Variants in MAP3K4 observed in about 807,000 individuals in gnomAD.
MAP3K4 encodes MAP three kinase 1.
A neutral mutation model predicts 185.6 loss-of-function variants in MAP3K4; 67 were observed. The ratio of observed to expected loss-of-function variants is 0.36; its 90% CI spans 0.30 to 0.44. The LOEUF is 0.44. MAP3K4 is among the 20% of genes least tolerant of loss of function. The probability of loss-of-function intolerance (pLI) is 1.00; values close to 1 mark genes in which losing one functional copy is unlikely to be tolerated. For synonymous variants in MAP3K4, 702 were observed against 710.4 expected (o/e 0.99, Z 0.19); for missense variants, 1,551 against 1,995.1 (o/e 0.78, Z 4.24).
In MAP3K4 at chr6:161,104,595, C is replaced by T. The variant is rs867952363; in HGVS notation, c.3856+1816C>T. Among the ~76,000 whole-genome samples the T allele has an allele frequency of 2.6e-5, 4 of 151,402 alleles. No homozygotes were observed. The South Asian group carries it at 6.3e-4, about 24-fold the overall frequency. ...ACGTGGTGGTGCGCGCCTGTAGTCC[C>T]AGCTACTTGGGAGGCCGAGGCAGAA... is the stretch of plus-strand genomic sequence containing the variant. On this transcript the variant is annotated intron_variant, in intron 19 of 26. Transcript: ENST00000392142.
chr6:161,019,042 G>A (rs1782246234), intron 1 of MAP3K4, among the ~76,000 whole-genome samples: 1 of 152,226 alleles, frequency 6.6e-6, no homozygotes, highest in Admixed American at 6.5e-5. Flanking sequence ...GAATACCAGT[G>A]ACATGTGGAA....
rs1785134086 is a variant in MAP3K4, at chr6:161,075,569, A to G, written c.2097+1957A>G. On this transcript the variant is annotated intron_variant, in intron 5 of 26. Coordinates refer to ENST00000392142, the MANE Select transcript of MAP3K4 (RefSeq NM_005922.4). The surrounding 1 kb of genome is among the most constrained non-coding windows in gnomAD (Gnocchi z 4.3). ...GGGTAACTAAACCAGAAGTTTAAGA[A>G]GACAGAATATGCTTTGCTTCGTAAA... is the stretch of plus-strand genomic sequence containing the variant. 6.6e-6 allele frequency among the ~76,000 whole-genome samples: 1 copy of G among 152,228 alleles called. No homozygotes were observed. The highest frequency in any genetic ancestry group is 1.5e-5 in the Non-Finnish European group (1 of 68,042).
Position 161,108,680 on chromosome 6 carries a change from T to C in MAP3K4, c.4120-63T>C, listed in dbSNP as rs1778215966. 1 of 884,330 alleles carries C rather than the reference T, an allele frequency of 1.1e-6. No homozygotes were observed. The highest frequency in any genetic ancestry group is 1.6e-5 in the African/African-American group (1 of 60,818). The allele number at this position is 884,330 out of a possible 1,614,324, so 54.8% of individuals were successfully genotyped here. ...TGGGGTGCAAAATGATGTTTCAGTG[T>C]ATGTGTATAATGTAGAGTGATTAAA... On this transcript the variant is annotated intron_variant, in intron 21 of 26. Transcript: ENST00000392142. The surrounding 1 kb of genome is among the most constrained non-coding windows in gnomAD (Gnocchi z 5.7).
rs1198374298 is a variant in MAP3K4, at chr6:161,081,054, C to T, written c.2255+16C>T. 1.9e-6 allele frequency: 3 copies of T among 1,612,202 alleles called. No homozygotes were observed. The highest frequency in any genetic ancestry group is 2.5e-6 in the Non-Finnish European group (3 of 1,179,174). ...AGCTTTTCTGGTAGGAATCCTTGTG[C>T]TTCTGAACGCGACGCTCCCACCTTC... On this transcript the variant is annotated intron_variant, in intron 6 of 26. Coordinates refer to ENST00000392142, the MANE Select transcript of MAP3K4 (RefSeq NM_005922.4).
Position 161,076,069 on chromosome 6 carries a change from A to G in MAP3K4, c.2097+2457A>G, listed in dbSNP as rs1168562946. ...AGAGAAGGAGGAAATTGGCCACAAT[A>G]TCCTTTCCCATACCCTTCCAAAAAT... On this transcript the variant is annotated intron_variant, in intron 5 of 26. Transcript: ENST00000392142. This position sits in a 1 kb window ranked among gnomAD's most constrained non-coding sequence, Gnocchi z 4.2. Among the ~76,000 whole-genome samples, 3 of 152,196 alleles carry G rather than the reference A, an allele frequency of 2.0e-5. No individual in the cohort carries two copies. The highest frequency in any genetic ancestry group is 4.4e-5 in the Non-Finnish European group (3 of 68,044).
rs1007633803 is a variant in MAP3K4 at position 161,022,290 on chromosome 6, A to G, written c.153-11969A>G. The G allele has an allele frequency of 2.0e-5, 3 of 152,250 alleles. No homozygotes were observed. The highest frequency in any genetic ancestry group is 4.4e-5 in the Non-Finnish European group (3 of 68,040). The allele number at this position is 152,250 out of a possible 1,614,324, so 9.4% of individuals were successfully genotyped here. A position where few individuals can be genotyped will look rare whatever the true frequency, so the allele number is the denominator to read the frequency against. ...CAGTTAGACCTTTTATTTGACATAT[A>G]CAGATAAATAAACCAGGCAGAATCC... is the stretch of plus-strand genomic sequence containing the variant. On this transcript the variant is annotated intron_variant, in intron 1 of 26. Transcript: ENST00000392142. This position sits in a 1 kb window ranked among gnomAD's most constrained non-coding sequence, Gnocchi z 4.2.
chr6:161,055,450 A>G (rs1172773103), intron 3 of MAP3K4, among the ~76,000 whole-genome samples: 3 of 152,244 alleles, frequency 2.0e-5, no homozygotes, highest in Non-Finnish European at 2.9e-5. Context: ...AAGATAGTAC[A>G]GAATTCTTAT....
chr6:161,106,506 C>G lies in MAP3K4; in HGVS notation c.3857-8C>G, dbSNP rs1474921372. 6.3e-7 allele frequency: 1 copy of G among 1,595,694 alleles called. No homozygotes were observed. Among genetic ancestry groups the G allele is most frequent in the East Asian group, 2.2e-5 (1 of 44,768 alleles). Reference sequence around the variant, plus strand: ...TTGGGACTAATGAGGTTTTGGTTCTCTCTGCAGATACTGCTTCTAAACTAG... The same window carrying G: ...TTGGGACTAATGAGGTTTTGGTTCTGTCTGCAGATACTGCTTCTAAACTAG... On this transcript the variant is annotated splice_region_variant and splice_polypyrimidine_tract_variant and intron_variant, in intron 19 of 26. Transcript: ENST00000392142. This position sits in a 1 kb window ranked among gnomAD's most constrained non-coding sequence, Gnocchi z 4.9.
chr6:161,068,229 G>A (rs982861968), intron 3 of MAP3K4, among the ~76,000 whole-genome samples: 2 of 152,102 alleles, frequency 1.3e-5, no homozygotes, highest in South Asian at 4.1e-4. Flanking sequence ...ATACAACAGA[G>A]GAAGCATTTG....
intron 1 of MAP3K4, among the ~76,000 whole-genome samples, chr6:161,024,070 G>A (rs1341879276): frequency 1.1e-4 from 16 of 152,042 alleles, no homozygotes; most frequent in Admixed American, 7.9e-4. Flanking sequence ...GGGTTCAAGC[G>A]ATTCTCTTGC....
At chr6:161,031,440 G>C (rs1293923990) in intron 1 of MAP3K4, among the ~76,000 whole-genome samples, 1 of 152,116 alleles carries the variant, frequency 6.6e-6, no homozygotes, top group Non-Finnish European at 1.5e-5. Flanking sequence ...CTCTTTATCT[G>C]CTAAAGCACA....
At position 161,043,002 on chromosome 6, in the gene MAP3K4, A is replaced by G. The variant is rs923752641; in HGVS notation, c.344-5614A>G. Among the ~76,000 whole-genome samples, 1 of 151,946 alleles carries G rather than the reference A, an allele frequency of 6.6e-6. No homozygotes were observed. Among genetic ancestry groups the G allele is most frequent in the Non-Finnish European group, 1.5e-5 (1 of 67,974 alleles). ...TGCATGCATGCGTGTGCCTATATAT[A>G]TGTGTGTGTAAATGTGTGTATCTGC... On this transcript the variant is annotated intron_variant, in intron 2 of 26. Transcript: ENST00000392142. The surrounding 1 kb of genome is among the most constrained non-coding windows in gnomAD (Gnocchi z 4.3).
chr6:161,001,666 A>G (rs962134442), intron 1 of MAP3K4, among the ~76,000 whole-genome samples: 2 of 152,342 alleles, frequency 1.3e-5, no homozygotes, highest in South Asian at 4.1e-4. Flanking sequence ...ACTTGTATGA[A>G]GGAGGCAGAG....
At chr6:161,005,912 C>G (rs1326665588) in intron 1 of MAP3K4, among the ~76,000 whole-genome samples, 1 of 152,098 alleles carries the variant, frequency 6.6e-6, no homozygotes, top group African/African-American at 2.4e-5. Context: ...CTCAGCCTCC[C>G]GAGTAGCTGG....
At position 161,017,513 on chromosome 6, in the gene MAP3K4, C is replaced by G. The variant is rs952615843; in HGVS notation, c.153-16746C>G. Among the ~76,000 whole-genome samples, 2 of 151,896 alleles carry G rather than the reference C, an allele frequency of 1.3e-5. No individual in the cohort carries two copies. The highest frequency in any genetic ancestry group is 1.5e-5 in the Non-Finnish European group (1 of 67,980). On this transcript the variant is annotated intron_variant, in intron 1 of 26. Transcript: ENST00000392142. This position sits in a 1 kb window ranked among gnomAD's most constrained non-coding sequence, Gnocchi z 5.1. ...TAAATAGTATTAGGTTTGTAAAAGC[C>G]TAAGTTTTAGAGTTTTTATATGCCT...
At position 161,097,217 on chromosome 6, in the gene MAP3K4, C is replaced by G; in HGVS notation, c.3524+41C>G. ...CTAGTCATTTGCTTTACAGAGTGCC[C>G]TCCGATATGCATGCTCATACTTTTG... On this transcript the variant is annotated intron_variant, in intron 16 of 26. Transcript: ENST00000392142. This position sits in a 1 kb window ranked among gnomAD's most constrained non-coding sequence, Gnocchi z 4.9. The G allele has an allele frequency of 2.0e-6, 3 of 1,518,446 alleles. No homozygotes were observed. Among genetic ancestry groups the G allele is most frequent in the African/African-American group, 1.4e-5 (1 of 73,000 alleles). The allele number at this position is 1,518,446 out of a possible 1,614,324, so 94.1% of individuals were successfully genotyped here.
At chr6:161,004,506 G>T (rs1341078402) in intron 1 of MAP3K4, among the ~76,000 whole-genome samples, 1 of 152,104 alleles carries the variant, frequency 6.6e-6, no homozygotes, top group East Asian at 1.9e-4. Context: ...TTTTTTAAAA[G>T]GTGAAAGAAC....
rs1777591428 is a variant in MAP3K4, at chr6:161,096,776, A to G, written c.3428-304A>G. 8.1e-6 allele frequency: 2 copies of G among 246,532 alleles called. No homozygotes were observed. The highest frequency in any genetic ancestry group is 1.6e-4 in the South Asian group (2 of 12,154). The allele number at this position is 246,532 out of a possible 1,614,324, so 15.3% of individuals were successfully genotyped here. On this transcript the variant is annotated intron_variant, in intron 15 of 26. Coordinates refer to ENST00000392142, the MANE Select transcript of MAP3K4 (RefSeq NM_005922.4). The surrounding 1 kb of genome is among the most constrained non-coding windows in gnomAD (Gnocchi z 4.9). ...TTTATTAGGGAGATACCACATTTTC[A>G]TGTATCTCTAAAATGGGTTAAATCA...
In MAP3K4 at chr6:161,063,383, C is replaced by T. The variant is rs1784564668; in HGVS notation, c.1708-7225C>T. ...TTTTTCTCTCTCTGCTTATGGTAAC[C>T]TTGTGCTAGATTCTACTACAGTTCT... On this transcript the variant is annotated intron_variant, in intron 3 of 26. Transcript: ENST00000392142. The surrounding 1 kb of genome is among the most constrained non-coding windows in gnomAD (Gnocchi z 5.4). Among the ~76,000 whole-genome samples the T allele has an allele frequency of 6.6e-6, 1 of 152,092 alleles. No homozygotes were observed. Among genetic ancestry groups the T allele is most frequent in the African/African-American group, 2.4e-5 (1 of 41,406 alleles).
Sources: gnomAD v4.1 joint callset for allele counts (sites outside exome capture counted in the v4.1 genomes callset) on GRCh38, gnomAD v4.1.1 for gene constraint, Gnocchi (gnomAD v3.1) non-coding constraint, MANE v1.5 for transcripts, NCBI Gene and HGNC (gene_info 2026-07-23, HGNC 2026-07-21) for gene names.